PLEC: variants seen among roughly 807,000 people sequenced by gnomAD.
PLEC encodes the protein plectin.
Under a neutral mutation model 392.8 loss-of-function variants are expected in PLEC, and 216 were observed. The ratio of observed to expected loss-of-function variants is 0.55; its 90% confidence interval spans 0.49 to 0.62. PLEC has a LOEUF of 0.62. Ranked by LOEUF, PLEC falls within the 20% of genes least tolerant of loss-of-function variation. PLEC has a pLI of 0.00. For synonymous variants in PLEC, 3,621 were observed against 2,980.6 expected (o/e 1.21, Z -7.00); for missense variants, 6,863 against 6,563.4 (o/e 1.05, Z -1.58).
chr8:143,942,717 A>G (rs1046747696), upstream of PLEC, among the ~76,000 whole-genome samples: 2 of 152,232 alleles, frequency 1.3e-5, no homozygotes, highest in Non-Finnish European at 2.9e-5. Flanking sequence ...CGCCCAGCGC[A>G]GCCAGGAAGC....
upstream of PLEC, among the ~76,000 whole-genome samples, chr8:143,955,944 CTT>C (rs57462492): frequency 0.064 from 7,986 of 125,284 alleles, 761 homozygotes; most frequent in African/African-American, 0.21. Context: ...CCTAGGGAGA[CTT>C]TTTTTTTTTT....
rs782732824 is a variant in PLEC, at chr8:143,921,289, C to T, written c.8532G>A (p.Ala2844=). The part of the protein sequence containing the change: ...YFDEEMNRVL[A]DPSDDTKGFF... ...AGCCCTTGGTGTCGTCGCTGGGGTCCGCCAGGACGCGGTTCATCTCCTCGT... is the reference window on the plus strand; with the variant it reads ...AGCCCTTGGTGTCGTCGCTGGGGTCTGCCAGGACGCGGTTCATCTCCTCGT... The change falls in exon 32 of 32, where the codon GCG becomes GCA. Residue 2844 remains alanine, a synonymous_variant. Transcript: ENST00000345136. 2.1e-5 allele frequency: 34 copies of T among 1,613,922 alleles called. No homozygotes were observed. Among genetic ancestry groups the T allele is most frequent in the South Asian group, 1.9e-4 (17 of 91,090 alleles).
chr8:143,926,945 C>T (rs1554706258), intron 29 of PLEC, 32 bp downstream of exon 29: 1 of 1,605,938 alleles, frequency 6.2e-7, no homozygotes, highest in Non-Finnish European at 8.5e-7. Flanking sequence ...GCCTGCCAGC[C>T]CCTCACCCAG....
At chr8:143,954,502 C>T (rs1009843393), upstream of PLEC, among the ~76,000 whole-genome samples, 23 of 152,226 alleles carry the variant, frequency 1.5e-4, no homozygotes, top group African/African-American at 5.1e-4. The surrounding 1 kb of genome is among the most constrained non-coding windows in gnomAD (Gnocchi z 4.6). Context: ...TCTGCCCACT[C>T]GCCAGCATCT....
chr8:143,920,547 G>A lies in PLEC; in HGVS notation c.9274C>T (p.His3092Tyr). The change falls in exon 32 of 32, where the codon CAT (histidine) becomes TAT (tyrosine). Residue 3092 changes from histidine (H) to tyrosine (Y), a missense_variant. Physicochemically the swap from His to Tyr is moderately conservative, Grantham distance 83. Coordinates refer to ENST00000345136, the MANE Select transcript of PLEC (RefSeq NM_201384.3). ...TTCTCGGCTGATAGCAGCTTCTCAT[G>A]AAACTCGGGGCCCACCAGGCCAGCA... is the stretch of plus-strand genomic sequence containing the variant. ...VRAGLVGPEFHEKLLSAEKAV... is the reference protein window; with the variant it reads ...VRAGLVGPEFYEKLLSAEKAV... 6.2e-7 allele frequency: 1 copy of A among 1,611,468 alleles called. No individual in the cohort carries two copies. The highest frequency in any genetic ancestry group is 8.5e-7 in the Non-Finnish European group (1 of 1,179,678).
chr8:143,938,860 C>A (rs1488512114), intron 1 of PLEC, among the ~76,000 whole-genome samples, 168 bp from the exon 2 acceptor site: 1 of 152,102 alleles, frequency 6.6e-6, no homozygotes, highest in African/African-American at 2.4e-5. Flanking sequence ...CGCAGCCCAG[C>A]CACACAGCAG....
intron 25 of PLEC, among the ~76,000 whole-genome samples, chr8:143,928,551 GCGGCCC>G (rs1826048424): frequency 1.1e-5 from 1 of 87,508 alleles, no homozygotes; most frequent in Non-Finnish European, 2.2e-5. Context: ...GGAAGAGGTG[GCGGCCC>G]TATCACTGTG....
At chr8:143,950,075 G>A (rs901270069) in intron 1 of PLEC, 12 of 1,377,944 alleles carry the variant, frequency 8.7e-6, no homozygotes, top group Non-Finnish European at 1.2e-5. Flanking sequence ...GCGACGCTCC[G>A]CAAGCCGGCT....
At position 143,924,829 on chromosome 8, in the gene PLEC, C is replaced by T. The variant is rs1554699164; in HGVS notation, c.5100G>A (p.Leu1700=). The change falls in exon 31 of 32, where the codon CTG becomes CTA. Residue 1700 remains leucine (L), a synonymous_variant. Coordinates refer to ENST00000345136, the MANE Select transcript of PLEC (RefSeq NM_201384.3). ...AEQELEKQRQ[L]AEGTAQQRLA... ...GGCGCTGCTGCGCGGTGCCTTCCGC[C>T]AGCTGCCGCTGCTTCTCCAGCTCTT... is the stretch of plus-strand genomic sequence containing the variant. 2 of 1,557,136 alleles carry T rather than the reference C, an allele frequency of 1.3e-6. No individual in the cohort carries two copies. Among genetic ancestry groups the T allele is most frequent in the Admixed American group, 3.7e-5 (2 of 54,792 alleles).
chr8:143,932,311 G>C (rs1827577980), intron 16 of PLEC, 77 bp from the exon 17 acceptor site: 1 of 1,606,600 alleles, frequency 6.2e-7, no homozygotes. Flanking sequence ...CTCGACCCAG[G>C]GCCCCCACTG....
At position 143,922,842 on chromosome 8, in the gene PLEC, C is replaced by T. The variant is rs1554690655; in HGVS notation, c.7087G>A (p.Gly2363Ser). 1 of 1,580,510 alleles carries T rather than the reference C, an allele frequency of 6.3e-7. No homozygotes were observed. The highest frequency in any genetic ancestry group is 1.8e-5 in the Admixed American group (1 of 55,994). The change falls in exon 31 of 32, where the codon GGC becomes AGC. Residue 2363 changes from glycine to serine, a missense_variant. By Grantham distance (56) the Gly-to-Ser change is moderately conservative. Coordinates refer to ENST00000345136, the MANE Select transcript of PLEC (RefSeq NM_201384.3). Reference protein sequence around the residue: ...MAQQLAEETQGFQRTLEAERQ... With the variant: ...MAQQLAEETQSFQRTLEAERQ... ...TCGGCCTCCAGCGTCCGCTGGAAGC[C>T]CTGCGTCTCCTCCGCCAGCTGCTGC...
At chr8:143,952,844 G>C (rs1554737747), upstream of PLEC, among the ~76,000 whole-genome samples, 1 of 151,794 alleles carries the variant, frequency 6.6e-6, no homozygotes. Flanking sequence ...TCCTCCAGCA[G>C]AGATGGGGCG....
chr8:143,947,417 G>A (rs529756978), intron 1 of PLEC, among the ~76,000 whole-genome samples: 2 of 152,272 alleles, frequency 1.3e-5, no homozygotes, highest in East Asian at 3.9e-4. Context: ...CACAATCCTC[G>A]GTTCCTTCAG....
In PLEC at chr8:143,929,434, G is replaced by A; in HGVS notation, c.3061C>T (p.Gln1021Ter). ...LDKEPARECAQRIAEQQKAQA... is the reference protein window; with the variant it reads ...LDKEPARECA ...CCTGCCTGCTGCTCGGCGATGCGCT[G>A]GGCACACTCCCGTGCCGGCTCTTTG... The change falls in exon 24 of 32, where the codon CAG (glutamine) becomes TAG (stop). Residue 1021 changes from glutamine (Q) to a stop codon, truncating the protein, a stop_gained. Coordinates refer to ENST00000345136, the MANE Select transcript of PLEC (RefSeq NM_201384.3). LOFTEE classifies it high-confidence loss of function. 1 of 1,576,306 alleles carries A rather than the reference G, an allele frequency of 6.3e-7. No homozygotes were observed. The highest frequency in any genetic ancestry group is 8.6e-7 in the Non-Finnish European group (1 of 1,163,060).
intron 1 of PLEC, among the ~76,000 whole-genome samples, chr8:143,972,033 A>G (rs1833454891): frequency 1.3e-5 from 2 of 152,160 alleles, no homozygotes; most frequent in Admixed American, 1.3e-4. Flanking sequence ...GCCTCAGCAC[A>G]ATGCCCAGAA....
In PLEC at chr8:143,934,055, C is replaced by G. The variant is rs1302774131; in HGVS notation, c.1206G>C (p.Gln402His). 1.2e-6 allele frequency: 2 copies of G among 1,611,938 alleles called. No individual in the cohort carries two copies. Among genetic ancestry groups the G allele is most frequent in the Non-Finnish European group, 1.7e-6 (2 of 1,179,600 alleles). ...ECLQRIVTKL[Q>H]MEAGLCEEQL... The stretch of plus-strand genomic sequence containing the variant: ...GCTCCTCACACAGCCCCGCCTCCAT[C>G]TGCAGCTTGGTCACGATGCGCTGAA... Residue 402 changes from glutamine (Q) to histidine (H), a missense_variant, in exon 12 of 32, where the codon CAG becomes CAC. Physicochemically the swap from Gln to His is conservative, Grantham distance 24 (BLOSUM62 0). Coordinates refer to ENST00000345136, the MANE Select transcript of PLEC (RefSeq NM_201384.3).
chr8:143,917,746 G>C lies in PLEC; in HGVS notation c.12075C>G (p.Leu4025=). 1 of 1,613,570 alleles carries C rather than the reference G, an allele frequency of 6.2e-7. No homozygotes were observed. The highest frequency in any genetic ancestry group is 1.7e-5 in the Admixed American group (1 of 60,020). Residue 4025 remains leucine, a synonymous_variant, in exon 32 of 32, where the codon CTC becomes CTG. Transcript: ENST00000345136. The part of the protein sequence containing the change: ...KDPYSGKLIS[L]FQAMKKGLIL... ...TCAGGCCCTTCTTCATGGCCTGGAA[G>C]AGGGAGATGAGCTTCCCAGAGTAGG...
upstream of PLEC, chr8:143,944,025 C>G (rs1018163075): frequency 7.4e-7 from 1 of 1,345,424 alleles, no homozygotes; most frequent in Non-Finnish European, 1.0e-6. Context: ...CCCGCAGGAC[C>G]GCCCCATACG....
rs201955391 is a variant in PLEC at position 143,927,026 on chromosome 8, G to T, written c.3896C>A (p.Pro1299Gln). 6.2e-7 allele frequency: 1 copy of T among 1,612,654 alleles called. No individual in the cohort carries two copies. The highest frequency in any genetic ancestry group is 8.5e-7 in the Non-Finnish European group (1 of 1,179,940). The change falls in exon 29 of 32, where the codon CCG becomes CAG. Residue 1299 changes from proline to glutamine, a missense_variant. Physicochemically the swap from Pro to Gln is moderately conservative, Grantham distance 76. Transcript: ENST00000345136. ...CGACTGGACCTTGGGCTTCTTGGCC[G>T]GGGAGGCCACCGGCTCAAGCTGCGC... ...YKAQLEPVASPAKKPKVQSGS... is the reference protein window; with the variant it reads ...YKAQLEPVASQAKKPKVQSGS...
Sources: gnomAD v4.1 joint callset for allele counts (sites outside exome capture counted in the v4.1 genomes callset) on GRCh38, gnomAD v4.1.1 for gene constraint, Gnocchi (gnomAD v3.1) non-coding constraint, MANE v1.5 for transcripts, NCBI Gene and HGNC (gene_info 2026-07-23, HGNC 2026-07-21) for gene names.